Variants in CRYBG3 observed in about 807,000 individuals in gnomAD.
CRYBG3 encodes the protein very large A-kinase anchor protein.
Under a neutral mutation model 244.2 loss-of-function variants are expected in CRYBG3, and 127 were observed. The observed-to-expected ratio is 0.52, with a 90% CI of 0.45 to 0.60. CRYBG3 has a LOEUF of 0.60. Ranked by LOEUF, CRYBG3 falls within the 20% of genes least tolerant of loss-of-function variation. CRYBG3 has a pLI of 0.00. For missense variants in CRYBG3, 3,325 were observed against 3,442.5 expected (o/e 0.97, Z 0.85); for synonymous variants, 1,132 against 1,195.8 (o/e 0.95, Z 1.10).
chr3:97,849,496 C>A (rs1481587572), intron 2 of CRYBG3, among the ~76,000 whole-genome samples: 1 of 151,832 alleles, frequency 6.6e-6, no homozygotes, highest in Non-Finnish European at 1.5e-5. Context: ...CTGTGTGTTA[C>A]TGTGCTGTCC....
intron 11 of CRYBG3, among the ~76,000 whole-genome samples, chr3:97,893,551 G>GC (rs1234597771): frequency 6.6e-6 from 1 of 152,216 alleles, no homozygotes; most frequent in African/African-American, 2.4e-5. Flanking sequence ...TGGGGCAGAA[G>GC]CCCCCCAAAT....
chr3:97,885,078 C>T (rs1476943482), intron 7 of CRYBG3, among the ~76,000 whole-genome samples: 1 of 152,100 alleles, frequency 6.6e-6, no homozygotes, highest in African/African-American at 2.4e-5. Flanking sequence ...TAATAGCATA[C>T]AAAAGAGCCT....
chr3:97,857,971 C>G (rs1017834435), intron 2 of CRYBG3, among the ~76,000 whole-genome samples: 7 of 151,932 alleles, frequency 4.6e-5, no homozygotes, highest in African/African-American at 1.7e-4. Context: ...TGTATCTTCT[C>G]TATGAGTGAG....
At chr3:97,844,143 C>A (rs560178090) in intron 2 of CRYBG3, among the ~76,000 whole-genome samples, 1 of 152,060 alleles carries the variant, frequency 6.6e-6, no homozygotes. Context: ...TGTTTTAATT[C>A]TTTATTTCTG....
intron 7 of CRYBG3, 51 bp downstream of exon 7, chr3:97,881,270 G>A (rs1403331337): frequency 9.8e-6 from 13 of 1,321,538 alleles, no homozygotes; most frequent in Non-Finnish European, 1.4e-5. Context: ...TTATCATATA[G>A]TAAACCTGTG....
chr3:97,878,987 A>G (rs1911115), intron 4 of CRYBG3, among the ~76,000 whole-genome samples: 67,534 of 152,028 alleles, frequency 0.44, 16,220 homozygotes, highest in East Asian at 0.67. Flanking sequence ...CAAGGCCTGT[A>G]TTTTTACCTT....
Position 97,893,024 on chromosome 3 carries a change from G to A in CRYBG3, c.7574+31G>A, listed in dbSNP as rs200071377. On this transcript the variant is annotated intron_variant, in intron 11 of 21. Transcript: ENST00000389622. The stretch of plus-strand genomic sequence containing the variant: ...TATCATATTTTTAACATTTGCACAA[G>A]TAGTCTGTTTTTGAAGGTCAGCACA... The A allele has an allele frequency of 1.4e-3, 2,144 of 1,577,568 alleles. 4 individuals are homozygous for A. Among genetic ancestry groups the A allele is most frequent in the Non-Finnish European group, 1.7e-3 (1,927 of 1,166,104 alleles).
chr3:97,914,309 T>C (rs2039904087), intron 16 of CRYBG3, among the ~76,000 whole-genome samples: 1 of 152,148 alleles, frequency 6.6e-6, no homozygotes, highest in Admixed American at 6.6e-5. Flanking sequence ...GTTACTATTA[T>C]TTGGCTCTAA....
Position 97,878,001 on chromosome 3 carries a change from T to C in CRYBG3, c.6807T>C (p.Val2269=), listed in dbSNP as rs1420693545. The change falls in exon 4 of 22, where the codon GTT becomes GTC. Residue 2269 remains valine, a synonymous_variant. Coordinates refer to ENST00000389622, the MANE Select transcript of CRYBG3 (RefSeq NM_153605.4). ...FQEPVSKYFR[V]QDSPGRLSPF... The stretch of plus-strand genomic sequence containing the variant: ...AACCAGTGTCAAAATATTTCCGTGT[T>C]CAAGACAGCCCAGGCAGATTGAGCC... The C allele has an allele frequency of 1.9e-6, 3 of 1,614,018 alleles. No individual in the cohort carries two copies. The East Asian group carries it at 6.7e-5, about 36-fold the overall frequency.
chr3:97,876,658 G>GA lies in CRYBG3; in HGVS notation c.5469dup (p.Ala1824SerfsTer7), dbSNP rs2039376479. 4 of 1,235,838 alleles carry GA rather than the reference G, an allele frequency of 3.2e-6. No individual in the cohort carries two copies. The highest frequency in any genetic ancestry group is 8.2e-5 in the Admixed American group (2 of 24,266). The allele number at this position is 1,235,838 out of a possible 1,614,324, so 76.6% of individuals were successfully genotyped here. On this transcript the variant is annotated frameshift_variant, in exon 4 of 22. Transcript: ENST00000389622. LOFTEE classifies it high-confidence loss of function. ...GACAGCACCTGCCCCCTTAGAAATG[G>GA]AAAAAGCATGCAAGAGAGATGTTAA...
intron 2 of CRYBG3, among the ~76,000 whole-genome samples, chr3:97,861,080 A>G (rs1361692484): frequency 6.6e-6 from 1 of 151,960 alleles, no homozygotes; most frequent in Non-Finnish European, 1.5e-5. Context: ...TAATTTAGAG[A>G]ACTCAGTTAT....
At chr3:97,826,222 G>C (rs2038574672) in intron 1 of CRYBG3, among the ~76,000 whole-genome samples, 1 of 152,072 alleles carries the variant, frequency 6.6e-6, no homozygotes, top group South Asian at 2.1e-4. Context: ...TCCATCTCTT[G>C]GGTTCAATAA....
At position 97,875,457 on chromosome 3, in the gene CRYBG3, A is replaced by G. The variant is rs1001088171; in HGVS notation, c.4263A>G (p.Glu1421=). 1 of 1,326,556 alleles carries G rather than the reference A, an allele frequency of 7.5e-7. No homozygotes were observed. The highest frequency in any genetic ancestry group is 9.6e-7 in the Non-Finnish European group (1 of 1,045,732). 82.2% of individuals were successfully genotyped at this position (1,326,556 alleles called of 1,614,324 possible). A position where few individuals can be genotyped will look rare whatever the true frequency, so the allele number is the denominator to read the frequency against. ...TGTCTGATAGTATAAATTTGCAGGA[A>G]TCAGATACGGTTTTACTAGCTGAAG... ...SGLSDSINLQ[E]SDTVLLAEDM... The change falls in exon 4 of 22, where the codon GAA becomes GAG. Residue 1421 remains glutamate (E), a synonymous_variant. Coordinates refer to ENST00000389622, the MANE Select transcript of CRYBG3 (RefSeq NM_153605.4).
At chr3:97,888,010 A>G (rs1331233225) in intron 8 of CRYBG3, among the ~76,000 whole-genome samples, 1 of 152,192 alleles carries the variant, frequency 6.6e-6, no homozygotes, top group Non-Finnish European at 1.5e-5. Flanking sequence ...AATATAGTGA[A>G]ATTGTTTTTG....
chr3:97,933,607 A>G lies in CRYBG3; in HGVS notation c.8242-87A>G, dbSNP rs965181033. 36 of 1,324,048 alleles carry G rather than the reference A, an allele frequency of 2.7e-5. No homozygotes were observed. The African/African-American group carries it at 4.7e-4, about 17-fold the overall frequency. The allele number at this position is 1,324,048 out of a possible 1,614,324, so 82.0% of individuals were successfully genotyped here. ...GTAAACTCCATGCATTTAAGAATAC[A>G]ATGGATTCAGGGTACCCTGTGTTCA... is the stretch of plus-strand genomic sequence containing the variant. On this transcript the variant is annotated intron_variant, in intron 17 of 21. Transcript: ENST00000389622.
At chr3:97,919,444 T>C (rs2039960427) in intron 17 of CRYBG3, among the ~76,000 whole-genome samples, 1 of 152,100 alleles carries the variant, frequency 6.6e-6, no homozygotes, top group African/African-American at 2.4e-5. Context: ...CTCAGAGATA[T>C]ATATCTGGAA....
intron 11 of CRYBG3, among the ~76,000 whole-genome samples, chr3:97,894,729 G>A (rs538237510): frequency 6.6e-5 from 10 of 151,780 alleles, no homozygotes; most frequent in Non-Finnish European, 1.5e-4. Context: ...AAATAAAAGC[G>A]TGTTTTGAGT....
intron 15 of CRYBG3, 129 bp downstream of exon 15, chr3:97,900,614 A>C (rs760055939): frequency 1.6e-6 from 1 of 630,222 alleles, no homozygotes; most frequent in African/African-American, 1.9e-5. Flanking sequence ...TTACAATTGC[A>C]TTTGGTACCT....
chr3:97,910,736 C>G (rs911062099), intron 15 of CRYBG3, among the ~76,000 whole-genome samples: 1 of 152,200 alleles, frequency 6.6e-6, no homozygotes, highest in African/African-American at 2.4e-5. Context: ...AGCTGTAGAC[C>G]GGAGCTGTTC....
Sources: allele counts gnomAD v4.1 joint callset (sites outside exome capture counted in the v4.1 genomes callset), GRCh38; gene constraint gnomAD v4.1.1; transcripts MANE v1.5; gene names NCBI Gene and HGNC (gene_info 2026-07-23, HGNC 2026-07-21).